CARS1: variants seen among roughly 807,000 people sequenced by gnomAD.
CARS1 encodes cysteine--tRNA ligase, cytoplasmic.
Under a neutral mutation model 106.2 loss-of-function variants are expected in CARS1, and 48 were observed. The observed-to-expected ratio is 0.45, with a 90% confidence interval of 0.36 to 0.57. The LOEUF (loss-of-function observed/expected upper bound fraction) is 0.57. Ranked by LOEUF, CARS1 falls within the 20% of genes least tolerant of loss-of-function variation. CARS1 has a pLI of 0.00. For synonymous variants in CARS1, 409 were observed against 403.4 expected (o/e 1.01, Z -0.17); for missense variants, 968 against 1,057.2 (o/e 0.92, Z 1.17).
chr11:3,002,239 A>T, intron 21 of CARS1, 186 bp from the exon 22 acceptor site: 1 of 659,486 alleles, frequency 1.5e-6, no homozygotes, highest in Non-Finnish European at 2.7e-6. Flanking sequence ...AAATTAAACC[A>T]GATGTTATTT....
chr11:3,028,158 T>C lies in CARS1; in HGVS notation c.1031+838A>G. 2 of 305,790 alleles carry C rather than the reference T, an allele frequency of 6.5e-6. No individual in the cohort carries two copies. Among genetic ancestry groups the C allele is most frequent in the Non-Finnish European group, 1.3e-5 (2 of 157,106 alleles). The allele number at this position is 305,790 out of a possible 1,614,324, so 18.9% of individuals were successfully genotyped here. A position where few individuals can be genotyped will look rare whatever the true frequency, so the allele number is the denominator to read the frequency against. ...TCTCTGTCTCCTCTCTCTCTCTGCC[T>C]TGGCTGCCAGGCAGGGAAGGGCCCC... On this transcript the variant is annotated intron_variant, in intron 9 of 22. Transcript: ENST00000380525. The surrounding 1 kb of genome is among the most constrained non-coding windows in gnomAD (Gnocchi z 4.4).
At chr11:3,025,798 A>T (rs1852005625) in intron 10 of CARS1, among the ~76,000 whole-genome samples, 1 of 152,154 alleles carries the variant, frequency 6.6e-6, no homozygotes, top group Non-Finnish European at 1.5e-5. Flanking sequence ...AAAAAGTCTG[A>T]TATCTGTGTT....
In CARS1 at chr11:3,006,970, A is replaced by G; in HGVS notation, c.2069-11T>C. 1.2e-6 allele frequency: 2 copies of G among 1,611,292 alleles called. No homozygotes were observed. The highest frequency in any genetic ancestry group is 2.2e-5 in the South Asian group (2 of 91,020). On this transcript the variant is annotated splice_polypyrimidine_tract_variant and intron_variant, in intron 18 of 22. Transcript: ENST00000380525. ...GCAGAATCTCAGGGACTGTAGGAGAAGCAGAGCAGTTCCCTCAGACATGGA... is the reference window on the plus strand; with the variant it reads ...GCAGAATCTCAGGGACTGTAGGAGAGGCAGAGCAGTTCCCTCAGACATGGA...
Position 3,019,212 on chromosome 11 carries a change from G to GC in CARS1, c.1321dup (p.Ala441GlyfsTer18), listed in dbSNP as rs1277733627. ...CCCACCTCCGTGAATGTCCATCGAA[G>GC]CCCCTAGGAGGGTGCCTGCCATGGC... On this transcript the variant is annotated frameshift_variant, in exon 12 of 23. Coordinates refer to ENST00000380525, the MANE Select transcript of CARS1 (RefSeq NM_001014437.3). LOFTEE classifies it high-confidence loss of function. The surrounding 1 kb of genome is among the most constrained non-coding windows in gnomAD (Gnocchi z 6.2). 2 of 1,510,502 alleles carry GC rather than the reference G, an allele frequency of 1.3e-6. No individual in the cohort carries two copies. Among genetic ancestry groups the GC allele is most frequent in the Non-Finnish European group, 8.9e-7 (1 of 1,128,396 alleles). The allele number at this position is 1,510,502 out of a possible 1,614,324, so 93.6% of individuals were successfully genotyped here.
chr11:3,029,134 C>T lies in CARS1; in HGVS notation c.943-50G>A, dbSNP rs185365224. On this transcript the variant is annotated intron_variant, in intron 8 of 22. Coordinates refer to ENST00000380525, the MANE Select transcript of CARS1 (RefSeq NM_001014437.3). The surrounding 1 kb of genome is among the most constrained non-coding windows in gnomAD (Gnocchi z 5.9). ...GGGATTTTCCCTTCTGAAAACCACG[C>T]GCTCCATAAAAACGTTCCCAATTCA... The T allele has an allele frequency of 1.6e-5, 24 of 1,485,450 alleles. No homozygotes were observed. The highest frequency in any genetic ancestry group is 1.7e-4 in the Middle Eastern group (1 of 5,842). The allele number at this position is 1,485,450 out of a possible 1,614,324, so 92.0% of individuals were successfully genotyped here.
intron 10 of CARS1, among the ~76,000 whole-genome samples, chr11:3,024,777 T>C (rs1851893409): frequency 6.6e-6 from 1 of 152,192 alleles, no homozygotes; most frequent in Non-Finnish European, 1.5e-5. Context: ...AATCGCTCCA[T>C]GGTGACAGAA....
intron 17 of CARS1, among the ~76,000 whole-genome samples, chr11:3,012,552 C>G (rs549285787): frequency 1.8e-4 from 27 of 152,380 alleles, no homozygotes; most frequent in Middle Eastern, 3.4e-3. Context: ...CTCTGCCCAG[C>G]TGCTGACAGG....
At chr11:3,036,261 A>C (rs553694244) in intron 7 of CARS1, among the ~76,000 whole-genome samples, 62 of 152,346 alleles carry the variant, frequency 4.1e-4, no homozygotes, top group African/African-American at 1.4e-3. Flanking sequence ...CTCGATGCCG[A>C]GTCTCATGAG....
chr11:3,010,515 T>C (rs1850347427), intron 18 of CARS1, among the ~76,000 whole-genome samples: 1 of 152,200 alleles, frequency 6.6e-6, no homozygotes, highest in African/African-American at 2.4e-5. Context: ...CATCAGGTGT[T>C]GGAAAGGGGC....
chr11:3,047,060 G>A (rs1360253286), intron 2 of CARS1, among the ~76,000 whole-genome samples: 1 of 152,108 alleles, frequency 6.6e-6, no homozygotes, highest in Non-Finnish European at 1.5e-5. Flanking sequence ...GGTGGATCAC[G>A]AGGTCGGGAG....
In CARS1 at chr11:3,006,898, C is replaced by T. The variant is rs1365120154; in HGVS notation, c.2130G>A (p.Val710=). Residue 710 remains valine, a synonymous_variant, in exon 19 of 23, where the codon GTG becomes GTA. Transcript: ENST00000380525. Reference sequence around the variant, plus strand: ...ACCCACCTTCGTGGTCTTCAAACCGCACCCCAAGCTCGGGCAGGATGTTGT... The same window carrying T: ...ACCCACCTTCGTGGTCTTCAAACCGTACCCCAAGCTCGGGCAGGATGTTGT... ...LRDNILPELG[V]RFEDHEGLPT... The T allele has an allele frequency of 6.2e-7, 1 of 1,614,114 alleles. No homozygotes were observed. Among genetic ancestry groups the T allele is most frequent in the Non-Finnish European group, 8.5e-7 (1 of 1,179,982 alleles).
chr11:3,038,211 A>T lies in CARS1; in HGVS notation c.652-12T>A. On this transcript the variant is annotated splice_polypyrimidine_tract_variant and intron_variant, in intron 6 of 22. Transcript: ENST00000380525. This position sits in a 1 kb window ranked among gnomAD's most constrained non-coding sequence, Gnocchi z 4.0. The stretch of plus-strand genomic sequence containing the variant: ...TTTACTGAAAATGGCTGCAACCATA[A>T]AGAGACGTCAAATCTATTAGATACT... The T allele has an allele frequency of 1.9e-6, 3 of 1,612,784 alleles. No individual in the cohort carries two copies. Among genetic ancestry groups the T allele is most frequent in the Non-Finnish European group, 2.5e-6 (3 of 1,178,894 alleles).
chr11:3,012,625 G>A (rs1410462910), intron 17 of CARS1, among the ~76,000 whole-genome samples: 3 of 152,228 alleles, frequency 2.0e-5, no homozygotes, highest in East Asian at 3.9e-4. Flanking sequence ...TTTCAGAGGG[G>A]CCAGCTCTGG....
At position 3,020,224 on chromosome 11, in the gene CARS1, C is replaced by G; in HGVS notation, c.1262G>C (p.Gly421Ala). Residue 421 changes from glycine (G) to alanine (A), a missense_variant, in exon 11 of 23, where the codon GGA becomes GCA. Coordinates refer to ENST00000380525, the MANE Select transcript of CARS1 (RefSeq NM_001014437.3). The surrounding 1 kb of genome is among the most constrained non-coding windows in gnomAD (Gnocchi z 4.6). ...PGEPSWPCPW[G>A]KGRPGWHIEC... Reference sequence around the variant, plus strand: ...CCTTCTAGGCCACTCGCTCACCTTTCCCCAAGGGCACGGCCAGGACGGTTC... The same window carrying G: ...CCTTCTAGGCCACTCGCTCACCTTTGCCCAAGGGCACGGCCAGGACGGTTC... 6.3e-7 allele frequency: 1 copy of G among 1,596,842 alleles called. No homozygotes were observed. The highest frequency in any genetic ancestry group is 8.6e-7 in the Non-Finnish European group (1 of 1,164,190).
At position 3,028,481 on chromosome 11, in the gene CARS1, T is replaced by A; in HGVS notation, c.1031+515A>T. On this transcript the variant is annotated intron_variant, in intron 9 of 22. Transcript: ENST00000380525. This position sits in a 1 kb window ranked among gnomAD's most constrained non-coding sequence, Gnocchi z 4.4. The stretch of plus-strand genomic sequence containing the variant: ...ACAGACAGATAACCGGGTTCCTGTC[T>A]GCATTTCCATTTGTTGGCCATTTCT... The A allele has an allele frequency of 4.7e-6, 1 of 211,168 alleles. No individual in the cohort carries two copies. Among genetic ancestry groups the A allele is most frequent in the South Asian group, 1.5e-4 (1 of 6,666 alleles). The allele number at this position is 211,168 out of a possible 1,614,324, so 13.1% of individuals were successfully genotyped here. A position where few individuals can be genotyped will look rare whatever the true frequency, so the allele number is the denominator to read the frequency against.
Position 3,020,252 on chromosome 11 carries a change from C to T in CARS1, c.1234G>A (p.Gly412Arg), listed in dbSNP as rs775302771. The T allele has an allele frequency of 1.4e-5, 23 of 1,613,282 alleles. No homozygotes were observed. The highest frequency in any genetic ancestry group is 1.7e-4 in the Middle Eastern group (1 of 6,060). Residue 412 changes from glycine (G) to arginine (R), a missense_variant, in exon 11 of 23, where the codon GGA becomes AGA. Coordinates refer to ENST00000380525, the MANE Select transcript of CARS1 (RefSeq NM_001014437.3). The surrounding 1 kb of genome is among the most constrained non-coding windows in gnomAD (Gnocchi z 4.6). ...DFALWKASKPGEPSWPCPWGK... is the reference protein window; with the variant it reads ...DFALWKASKPREPSWPCPWGK... ...CAAGGGCACGGCCAGGACGGTTCTC[C>T]GGGCTTAGAGGCCTTCCATAAGGCA...
At position 3,017,158 on chromosome 11, in the gene CARS1, G is replaced by A. The variant is rs780402386; in HGVS notation, c.1865C>T (p.Pro622Leu). 1 of 1,614,148 alleles carries A rather than the reference G, an allele frequency of 6.2e-7. No individual in the cohort carries two copies. The highest frequency in any genetic ancestry group is 1.7e-5 in the Admixed American group (1 of 60,026). The change falls in exon 16 of 23, where the codon CCC (proline) becomes CTC (leucine). Residue 622 changes from proline (P) to leucine (L), a missense_variant. Transcript: ENST00000380525. The surrounding 1 kb of genome is among the most constrained non-coding windows in gnomAD (Gnocchi z 4.9). Reference sequence around the variant, plus strand: ...GATGTTCTCCAGCAGAGCCTGGTTGGGCCTCTTCCTCACGGCTTTCCGGGC... The same window carrying A: ...GATGTTCTCCAGCAGAGCCTGGTTGAGCCTCTTCCTCACGGCTTTCCGGGC... ...MAARKAVRKR[P>L]NQALLENIAL...
intron 2 of CARS1, among the ~76,000 whole-genome samples, chr11:3,047,065 C>A (rs1350800868): frequency 6.6e-6 from 1 of 152,010 alleles, no homozygotes; most frequent in Non-Finnish European, 1.5e-5. Context: ...ATCACGAGGT[C>A]GGGAGATCGA....
In CARS1 at chr11:3,043,799, G is replaced by A. The variant is rs1305141676; in HGVS notation, c.275-1543C>T. Among the ~76,000 whole-genome samples the A allele has an allele frequency of 6.6e-6, 1 of 152,104 alleles. No individual in the cohort carries two copies. The highest frequency in any genetic ancestry group is 2.4e-5 in the African/African-American group (1 of 41,398). Reference sequence around the variant, plus strand: ...CTAACAGGCCAAGGGGAGGAAGGAGGGCGGCTGCACTGTGTCTGGGCAGTG... The same window carrying A: ...CTAACAGGCCAAGGGGAGGAAGGAGAGCGGCTGCACTGTGTCTGGGCAGTG... On this transcript the variant is annotated intron_variant, in intron 2 of 22. Transcript: ENST00000380525. This position sits in a 1 kb window ranked among gnomAD's most constrained non-coding sequence, Gnocchi z 4.0.
Sources: allele counts gnomAD v4.1 joint callset (sites outside exome capture counted in the v4.1 genomes callset), GRCh38; gene constraint gnomAD v4.1.1; non-coding constraint Gnocchi (gnomAD v3.1); transcripts MANE v1.5; gene names NCBI Gene and HGNC (gene_info 2026-07-23, HGNC 2026-07-21).